Variants in PCDH15 observed in about 807,000 individuals in gnomAD.
PCDH15 encodes protocadherin-15.
PCDH15 carries 129 observed loss-of-function variants against 178.5 expected under a neutral mutation model. The observed-to-expected ratio is 0.72, with a 90% CI of 0.63 to 0.84. The LOEUF is 0.84. Among genes scored for constraint, PCDH15 ranks in the 40% least tolerant of loss-of-function variants. The pLI, the probability that PCDH15 is intolerant of heterozygous loss-of-function variation, is 0.00. For missense variants in PCDH15, 2,230 were observed against 2,099.9 expected, an observed-to-expected ratio of 1.06 and a Z score of -1.21; for synonymous variants, 800 against 732.0, an observed-to-expected ratio of 1.09 and a Z score of -1.50.
At chr10:54,291,054 T>C (rs191315757) in intron 8 of PCDH15, among the ~76,000 whole-genome samples, 46 of 151,988 alleles carry the variant, frequency 3.0e-4, no homozygotes, top group Admixed American at 9.2e-4. Flanking sequence ...ACTTATAAAA[T>C]TGACCACATA....
At chr10:55,418,297 T>C (rs1411117230) in intron 2 of PCDH15, among the ~76,000 whole-genome samples, 1 of 151,774 alleles carries the variant, frequency 6.6e-6, no homozygotes, top group African/African-American at 2.4e-5. Flanking sequence ...ATGAAGCTTT[T>C]CTGAAAATAA....
At chr10:54,851,900 G>C (rs1208018220) in intron 3 of PCDH15, among the ~76,000 whole-genome samples, 1 of 152,016 alleles carries the variant, frequency 6.6e-6, no homozygotes, top group Non-Finnish European at 1.5e-5. Context: ...ACAAATTTTG[G>C]TAATAAAAAT....
intron 2 of PCDH15, among the ~76,000 whole-genome samples, chr10:55,338,899 T>C (rs1416786135): frequency 6.6e-6 from 1 of 152,162 alleles, no homozygotes; most frequent in Non-Finnish European, 1.5e-5. Context: ...ATGTGGCATG[T>C]TCTTATTCAC....
chr10:55,489,321 C>A (rs530191249), intron 2 of PCDH15, among the ~76,000 whole-genome samples: 1 of 151,564 alleles, frequency 6.6e-6, no homozygotes, highest in African/African-American at 2.4e-5. Context: ...GTTAGTCTTA[C>A]CATACCAGCA....
At chr10:54,629,294 TA>T (rs1437588053) in intron 2 of PCDH15, among the ~76,000 whole-genome samples, 1 of 152,042 alleles carries the variant, frequency 6.6e-6, no homozygotes, top group Non-Finnish European at 1.5e-5. Context: ...GAAGTATTTT[TA>T]AAAAGGAAGA....
chr10:55,204,688 G>A (rs1422704097), intron 1 of PCDH15, among the ~76,000 whole-genome samples: 1 of 151,886 alleles, frequency 6.6e-6, no homozygotes, highest in Non-Finnish European at 1.5e-5. Flanking sequence ...CAACTTTTGT[G>A]GACTCCAACA....
At chr10:54,268,893 T>C (rs2057871217) in intron 8 of PCDH15, among the ~76,000 whole-genome samples, 1 of 151,718 alleles carries the variant, frequency 6.6e-6, no homozygotes, top group East Asian at 1.9e-4. Context: ...GTCTATGACT[T>C]ATTTTTAAAA....
At chr10:54,404,238 G>T (rs1327075860) in intron 3 of PCDH15, among the ~76,000 whole-genome samples, 1 of 151,858 alleles carries the variant, frequency 6.6e-6, no homozygotes, top group African/African-American at 2.4e-5. Context: ...AAAATACAGA[G>T]CTGGAAGCAT....
chr10:53,871,581 T>C (rs188366364), intron 26 of PCDH15, among the ~76,000 whole-genome samples: 1 of 152,188 alleles, frequency 6.6e-6, no homozygotes, highest in Non-Finnish European at 1.5e-5. Flanking sequence ...TTTTTCATAT[T>C]ATGTTTATCC....
intron 2 of PCDH15, among the ~76,000 whole-genome samples, chr10:54,935,479 C>T (rs909796855): frequency 6.6e-6 from 1 of 152,028 alleles, no homozygotes; most frequent in Non-Finnish European, 1.5e-5. Context: ...TTAAAATATA[C>T]CCTTCAAATG....
chr10:55,147,796 T>TTTC (rs1199455416), intron 2 of PCDH15, among the ~76,000 whole-genome samples: 6 of 143,242 alleles, frequency 4.2e-5, no homozygotes, highest in Non-Finnish European at 9.3e-5. Context: ...ATATCTCCTC[T>TTTC]TTCTTCTTAT....
intron 25 of PCDH15, among the ~76,000 whole-genome samples, chr10:53,928,728 T>C (rs992268080): frequency 1.3e-5 from 2 of 152,034 alleles, no homozygotes; most frequent in African/African-American, 4.8e-5. Flanking sequence ...TTAGAGTGAC[T>C]GTTGTATCAC....
At chr10:55,353,243 A>T (rs1242389238) in intron 2 of PCDH15, among the ~76,000 whole-genome samples, 2 of 152,136 alleles carry the variant, frequency 1.3e-5, no homozygotes, top group Non-Finnish European at 2.9e-5. Flanking sequence ...ATAGGAATAA[A>T]CATACTCACT....
intron 2 of PCDH15, among the ~76,000 whole-genome samples, chr10:54,938,544 G>C (rs1837966881): frequency 1.3e-5 from 2 of 151,862 alleles, no homozygotes; most frequent in Admixed American, 1.3e-4. Flanking sequence ...ATGAAGTAAG[G>C]CATCTGAGCC....
At chr10:55,099,168 T>C (rs1159610211) in intron 2 of PCDH15, among the ~76,000 whole-genome samples, 1 of 152,046 alleles carries the variant, frequency 6.6e-6, no homozygotes, top group Non-Finnish European at 1.5e-5. Context: ...CCTCTAGGGG[T>C]TCTCCTTTAT....
intron 2 of PCDH15, among the ~76,000 whole-genome samples, chr10:54,533,879 T>C (rs2084200277): frequency 6.6e-6 from 1 of 152,192 alleles, no homozygotes; most frequent in South Asian, 2.1e-4. Flanking sequence ...AATGGGTTTC[T>C]AATATATTAT....
chr10:55,530,896 T>G (rs1286135841), intron 2 of PCDH15, among the ~76,000 whole-genome samples: 1 of 152,040 alleles, frequency 6.6e-6, no homozygotes, highest in Non-Finnish European at 1.5e-5. Context: ...CAATAGTTTG[T>G]GTACAGTTAT....
chr10:55,507,742 AG>A (rs1201299277), intron 2 of PCDH15, among the ~76,000 whole-genome samples: 21 of 151,500 alleles, frequency 1.4e-4, no homozygotes, highest in Admixed American at 9.9e-4. Context: ...TTAATAACTC[AG>A]GGTCCACAAA....
intron 2 of PCDH15, among the ~76,000 whole-genome samples, chr10:55,333,449 A>G (rs982468636): frequency 6.6e-6 from 1 of 152,150 alleles, no homozygotes; most frequent in Non-Finnish European, 1.5e-5. Context: ...ATGGCAGGGA[A>G]GAGACAAGAA....
Sources: allele counts gnomAD v4.1 joint callset (sites outside exome capture counted in the v4.1 genomes callset), GRCh38; gene constraint gnomAD v4.1.1; transcripts MANE v1.5; gene names NCBI Gene and HGNC (gene_info 2026-07-23, HGNC 2026-07-21).